Variants in SCOC observed in about 807,000 individuals in gnomAD.
SCOC encodes short coiled-coil protein.
SCOC carries 7 observed loss-of-function variants against 9.9 expected under a neutral mutation model. The ratio of observed to expected loss-of-function variants is 0.71; its 90% CI spans 0.40 to 1.33. SCOC has a LOEUF of 1.33. Ranked by LOEUF, SCOC falls within the 40% of genes most tolerant of loss-of-function variation. SCOC has a pLI of 0.01. For missense variants in SCOC, 66 were observed against 89.7 expected, an observed-to-expected ratio of 0.74 and a Z score of 1.07; for synonymous variants, 19 against 28.2, an observed-to-expected ratio of 0.67 and a Z score of 1.03.
intron 1 of SCOC, among the ~76,000 whole-genome samples, chr4:140,281,836 GA>G (rs971838536): frequency 6.6e-6 from 1 of 152,204 alleles, no homozygotes; most frequent in African/African-American, 2.4e-5. Context: ...CTCAGGGGGC[GA>G]GGGGGGACCC....
intron 1 of SCOC, among the ~76,000 whole-genome samples, chr4:140,280,698 C>A (rs1033798394): frequency 1.3e-5 from 2 of 152,190 alleles, no homozygotes; most frequent in Non-Finnish European, 2.9e-5. Flanking sequence ...GTCTTTTTGA[C>A]TTGCTCTGTA....
chr4:140,306,645 CCAAA>C (rs1731996888), intron 1 of SCOC, among the ~76,000 whole-genome samples: 1 of 151,810 alleles, frequency 6.6e-6, no homozygotes, highest in Admixed American at 6.6e-5. Context: ...AGAGACATCC[CCAAA>C]CAGAGAGACA....
At chr4:140,278,124 T>A (rs1381004655) in intron 1 of SCOC, among the ~76,000 whole-genome samples, 1 of 152,218 alleles carries the variant, frequency 6.6e-6, no homozygotes, top group Non-Finnish European at 1.5e-5. Context: ...ATAGACTGGA[T>A]AATTTATAAA....
chr4:140,353,295 A>T (rs1727056286), intron 2 of SCOC, among the ~76,000 whole-genome samples: 1 of 152,212 alleles, frequency 6.6e-6, no homozygotes, highest in Non-Finnish European at 1.5e-5. Flanking sequence ...TATAAGTGAC[A>T]CTGCTGAAAC....
At chr4:140,328,126 G>A (rs1368703285) in intron 1 of SCOC, among the ~76,000 whole-genome samples, 1 of 152,192 alleles carries the variant, frequency 6.6e-6, no homozygotes, top group Admixed American at 6.5e-5. Flanking sequence ...ATGCTGAGAA[G>A]AAAGCTTAGC....
At chr4:140,368,951 A>T (rs1225220276), upstream of SCOC, among the ~76,000 whole-genome samples, 1 of 151,624 alleles carries the variant, frequency 6.6e-6, no homozygotes, top group Non-Finnish European at 1.5e-5. Flanking sequence ...CTCCTTTCAC[A>T]GCACCGAGAC....
intron 1 of SCOC, among the ~76,000 whole-genome samples, chr4:140,277,318 G>A (rs1172926074): frequency 1.3e-5 from 2 of 152,130 alleles, no homozygotes; most frequent in African/African-American, 4.8e-5. Flanking sequence ...ATGAGTTGGG[G>A]GGGGCAGGGG....
At chr4:140,361,462 G>C (rs760800383) in intron 2 of SCOC, among the ~76,000 whole-genome samples, 1 of 152,084 alleles carries the variant, frequency 6.6e-6, no homozygotes, top group Non-Finnish European at 1.5e-5. Flanking sequence ...CCAGGAGTTT[G>C]AGACCAGCCT....
chr4:140,332,798 C>T (rs574583245), intron 1 of SCOC, among the ~76,000 whole-genome samples: 1 of 152,256 alleles, frequency 6.6e-6, no homozygotes, highest in East Asian at 1.9e-4. Context: ...CCACTCAAGT[C>T]CAGATCACAG....
chr4:140,317,655 AT>A (rs1732366175), intron 1 of SCOC, among the ~76,000 whole-genome samples: 1 of 140,524 alleles, frequency 7.1e-6, no homozygotes, highest in African/African-American at 2.7e-5. Flanking sequence ...TACTGTTTGC[AT>A]TTTTATTTTA....
exon 1 of SCOC, chr4:140,343,458 T>C (rs778122249): frequency 3.8e-6 from 2 of 529,282 alleles, no homozygotes; most frequent in Non-Finnish European, 3.5e-6. Flanking sequence ...CGGTTAAGAA[T>C]GCAACACTCA....
At chr4:140,276,601 G>A (rs1730989219) in intron 1 of SCOC, among the ~76,000 whole-genome samples, 1 of 151,942 alleles carries the variant, frequency 6.6e-6, no homozygotes, top group Admixed American at 6.6e-5. Flanking sequence ...GATTACAGGT[G>A]TGCGCCACCA....
chr4:140,355,228 T>TATATATATATATATATATATG (rs1560716595), intron 2 of SCOC, among the ~76,000 whole-genome samples: 21 of 128,768 alleles, frequency 1.6e-4, no homozygotes, highest in African/African-American at 6.1e-4. Flanking sequence ...TATATATATA[T>TATATATATATATATATATATG]ATATATATAT....
chr4:140,280,421 G>A (rs184330030), intron 1 of SCOC, among the ~76,000 whole-genome samples: 6 of 152,206 alleles, frequency 3.9e-5, no homozygotes, highest in Admixed American at 6.5e-5. Context: ...GAGCCACTGC[G>A]CCTGGCCATG....
intron 1 of SCOC, among the ~76,000 whole-genome samples, chr4:140,267,804 C>G (rs905700471): frequency 2.0e-5 from 3 of 152,162 alleles, no homozygotes; most frequent in Admixed American, 2.0e-4. Flanking sequence ...TGGCTGGCCT[C>G]TCGGCTCCTC....
chr4:140,366,144 G>A (rs1442082991), intron 2 of SCOC: 7 of 468,486 alleles, frequency 1.5e-5, no homozygotes, highest in Non-Finnish European at 2.6e-5. Flanking sequence ...GCATTTTAGA[G>A]CCTTGCTTGC....
At chr4:140,262,414 G>C (rs914200127) in intron 1 of SCOC, among the ~76,000 whole-genome samples, 2 of 152,150 alleles carry the variant, frequency 1.3e-5, no homozygotes, top group Non-Finnish European at 2.9e-5. Flanking sequence ...GGCTTTGAAG[G>C]ACTCCATGTT....
At chr4:140,330,713 C>A (rs1732793664) in intron 1 of SCOC, among the ~76,000 whole-genome samples, 1 of 152,196 alleles carries the variant, frequency 6.6e-6, no homozygotes. Context: ...TAGTAAGAGT[C>A]AAATGACTTT....
Position 140,311,314 on chromosome 4 carries a change from A to G in SCOC, c.-18-32307A>G, listed in dbSNP as rs958396580. 5.3e-5 allele frequency among the ~76,000 whole-genome samples: 8 copies of G among 152,198 alleles called. No homozygotes were observed. In the South Asian group the frequency reaches 1.7e-3, roughly 32 times the overall value. ...TTCTCAGTAGCACTTGTGAAACTGT[A>G]GTATCTTCATTCAATTAACATAAAC... On this transcript the variant is annotated intron_variant, in intron 1 of 4. Coordinates refer to the SCOC transcript ENST00000394205.
Sources: gnomAD v4.1 joint callset for allele counts (sites outside exome capture counted in the v4.1 genomes callset) on GRCh38, gnomAD v4.1.1 for gene constraint, MANE v1.5 for transcripts, NCBI Gene and HGNC (gene_info 2026-07-23, HGNC 2026-07-21) for gene names.